CCDC34: variants seen among roughly 807,000 people sequenced by gnomAD.
The protein encoded by CCDC34 is coiled-coil domain-containing protein 34.
Under a neutral mutation model 44.1 loss-of-function variants are expected in CCDC34, and 40 were observed. The ratio of observed to expected loss-of-function variants is 0.91; its 90% CI spans 0.70 to 1.18. CCDC34 has a LOEUF of 1.18. CCDC34 is among the 50% of genes most tolerant of loss of function. The pLI, the probability that CCDC34 is intolerant of heterozygous loss-of-function variation, is 0.00. For missense variants in CCDC34, 466 were observed against 452.3 expected, an observed-to-expected ratio of 1.03 and a Z score of -0.28; for synonymous variants, 159 against 158.2, an observed-to-expected ratio of 1.01 and a Z score of -0.04.
chr11:27,348,119 C>T (rs1334511513), intron 3 of CCDC34, among the ~76,000 whole-genome samples: 1 of 152,000 alleles, frequency 6.6e-6, no homozygotes, highest in Non-Finnish European at 1.5e-5. Context: ...GACGCTGCAC[C>T]GAGAGAACCT....
chr11:27,345,895 CCCA>C (rs1220943394), intron 3 of CCDC34, among the ~76,000 whole-genome samples: 5 of 152,002 alleles, frequency 3.3e-5, no homozygotes, highest in Admixed American at 6.6e-5. Context: ...AGTTTACAGT[CCCA>C]CCAACAGTGT....
intron 2 of CCDC34, among the ~76,000 whole-genome samples, chr11:27,354,095 A>G (rs1479798978): frequency 2.0e-5 from 3 of 152,234 alleles, no homozygotes; most frequent in Non-Finnish European, 2.9e-5. Context: ...TGTGAATACC[A>G]CAAGAGCTCA....
At chr11:27,343,833 A>G (rs1184163766) in intron 3 of CCDC34, among the ~76,000 whole-genome samples, 1 of 152,196 alleles carries the variant, frequency 6.6e-6, no homozygotes, top group Non-Finnish European at 1.5e-5. Context: ...AGGCACATGG[A>G]GGCTAATTTG....
intron 5 of CCDC34, among the ~76,000 whole-genome samples, chr11:27,339,921 T>C (rs1862329178): frequency 6.6e-6 from 1 of 152,174 alleles, no homozygotes; most frequent in Non-Finnish European, 1.5e-5. Flanking sequence ...TATTACTCTT[T>C]TTTTCAAGCA....
intron 3 of CCDC34, among the ~76,000 whole-genome samples, chr11:27,344,744 T>C (rs527647074): frequency 2.0e-5 from 3 of 152,162 alleles, no homozygotes; most frequent in East Asian, 3.9e-4. Flanking sequence ...ATTATTAAGA[T>C]AGGAATTTTC....
chr11:27,343,375 C>A (rs1324805974), intron 3 of CCDC34, among the ~76,000 whole-genome samples: 2 of 148,454 alleles, frequency 1.3e-5, no homozygotes, highest in Non-Finnish European at 3.0e-5. Flanking sequence ...GAACTCCAGC[C>A]TGGGAGACAG....
rs752825920 is a variant in CCDC34, at chr11:27,350,304, A to C, written c.606+28T>G. The C allele has an allele frequency of 1.1e-5, 18 of 1,613,896 alleles. No homozygotes were observed. In the South Asian group the frequency reaches 1.8e-4, roughly 16 times the overall value. ...GAAATATTTTGCAAAAGAGATGTCA[A>C]TGTGTGTATCCATTTTCCCCTCCTT... On this transcript the variant is annotated intron_variant, in intron 3 of 5. Coordinates refer to ENST00000328697, the MANE Select transcript of CCDC34 (RefSeq NM_030771.2).
chr11:27,361,519 C>T lies in CCDC34; in HGVS notation c.359+1317G>A, dbSNP rs149913353. On this transcript the variant is annotated intron_variant, in intron 1 of 5. Coordinates refer to ENST00000328697, the MANE Select transcript of CCDC34 (RefSeq NM_030771.2). ...CCCAGATGAAAACAATTTACTGAAA[C>T]CCTAACTCTACCATTAAATTTTACT... 1.1e-3 allele frequency among the ~76,000 whole-genome samples: 171 copies of T among 152,282 alleles called. 1 individual carries two copies. Among genetic ancestry groups the T allele is most frequent in the African/African-American group, 3.7e-3 (153 of 41,562 alleles).
At chr11:27,352,307 T>C (rs1002549382) in intron 2 of CCDC34, among the ~76,000 whole-genome samples, 66 of 151,316 alleles carry the variant, frequency 4.4e-4, no homozygotes, top group Admixed American at 1.4e-3. Context: ...CGCCTGAACC[T>C]GGGAGGCAGA....
intron 1 of CCDC34, among the ~76,000 whole-genome samples, chr11:27,362,421 G>T (rs1862679287): frequency 1.3e-5 from 2 of 152,202 alleles, no homozygotes; most frequent in Non-Finnish European, 2.9e-5. Context: ...CTAGCAATCA[G>T]TATGTTTTCA....
At chr11:27,349,133 A>G (rs1315391306) in intron 3 of CCDC34, 2 of 983,082 alleles carry the variant, frequency 2.0e-6, no homozygotes, top group East Asian at 1.1e-4. Context: ...GAAGATAAGA[A>G]GGACTTTTAG....
chr11:27,350,157 G>C, intron 3 of CCDC34, 175 bp downstream of exon 3: 1 of 1,494,438 alleles, frequency 6.7e-7, no homozygotes, highest in Non-Finnish European at 8.9e-7. Flanking sequence ...AAAGTAGAGG[G>C]CAAAGGGCAG....
chr11:27,358,968 C>CCCCCA (rs1862619479), intron 1 of CCDC34, among the ~76,000 whole-genome samples: 1 of 70,782 alleles, frequency 1.4e-5, no homozygotes, highest in African/African-American at 4.6e-5. Context: ...ACCCCCCCCC[C>CCCCCA]CCACCGCCAC....
chr11:27,345,081 T>A (rs1344856891), intron 3 of CCDC34, among the ~76,000 whole-genome samples: 1 of 152,106 alleles, frequency 6.6e-6, no homozygotes, highest in African/African-American at 2.4e-5. Context: ...CCAAAGGTAG[T>A]TTAATAGGGA....
rs185959287 is a variant in CCDC34 at position 27,338,960 on chromosome 11, G to A, written c.983C>T (p.Pro328Leu). 4 of 1,613,826 alleles carry A rather than the reference G, an allele frequency of 2.5e-6. No individual in the cohort carries two copies. The highest frequency in any genetic ancestry group is 2.2e-5 in the East Asian group (1 of 44,818). Reference sequence around the variant, plus strand: ...TGATAGATCCTTAGCTTCTTTGGGAGGTGGCATATGAATTGGTTTCCACGG... The same window carrying A: ...TGATAGATCCTTAGCTTCTTTGGGAAGTGGCATATGAATTGGTTTCCACGG... ...PIPWKPIHMPPPKEAKDLSGR... is the reference protein window; with the variant it reads ...PIPWKPIHMPLPKEAKDLSGR... The change falls in exon 6 of 6, where the codon CCT becomes CTT. Residue 328 changes from proline (P) to leucine (L), a missense_variant. By Grantham distance (98) the Pro-to-Leu change is moderately conservative. Transcript: ENST00000328697.
chr11:27,353,060 A>G (rs1315033499), intron 2 of CCDC34, among the ~76,000 whole-genome samples: 1 of 152,246 alleles, frequency 6.6e-6, no homozygotes, highest in Non-Finnish European at 1.5e-5. Context: ...CAACAGGATT[A>G]CAGATAGCTA....
At position 27,353,530 on chromosome 11, in the gene CCDC34, A is replaced by C. The variant is rs371719157; in HGVS notation, c.499-3091T>G. On this transcript the variant is annotated intron_variant, in intron 2 of 5. Transcript: ENST00000328697. ...AAAACCAATATACTAGTTTTTCATA[A>C]TGCTTGATAATTGATTCAATATTTA... 8.5e-5 allele frequency among the ~76,000 whole-genome samples: 13 copies of C among 152,136 alleles called. No individual in the cohort carries two copies. In the East Asian group the frequency reaches 2.1e-3, roughly 25 times the overall value.
Position 27,361,091 on chromosome 11 carries a change from G to A in CCDC34, c.359+1745C>T, listed in dbSNP as rs959236515. Among the ~76,000 whole-genome samples the A allele has an allele frequency of 3.9e-5, 6 of 152,308 alleles. No homozygotes were observed. In the South Asian group the frequency reaches 1.2e-3, roughly 32 times the overall value. On this transcript the variant is annotated intron_variant, in intron 1 of 5. Coordinates refer to ENST00000328697, the MANE Select transcript of CCDC34 (RefSeq NM_030771.2). ...CAAACGTTTATTGAGCACCTAATAA[G>A]CATCTGACACTTGCCACACACAATG...
intron 2 of CCDC34, among the ~76,000 whole-genome samples, chr11:27,356,302 C>T (rs995423282): frequency 6.6e-6 from 1 of 151,650 alleles, no homozygotes. Flanking sequence ...AGGTGTGAGC[C>T]GCCATGCCCG....
Sources: allele counts gnomAD v4.1 joint callset (sites outside exome capture counted in the v4.1 genomes callset), GRCh38; gene constraint gnomAD v4.1.1; transcripts MANE v1.5; gene names NCBI Gene and HGNC (gene_info 2026-07-23, HGNC 2026-07-21).